SDK2: variants seen among roughly 807,000 people sequenced by gnomAD.
SDK2 encodes the protein protein sidekick-2.
Under a neutral mutation model 253.9 loss-of-function variants are expected in SDK2, and 105 were observed. The observed-to-expected ratio is 0.41, with a 90% CI of 0.35 to 0.49. The LOEUF (loss-of-function observed/expected upper bound fraction) is 0.49, where lower values mean the gene tolerates loss of function less well. Among genes scored for constraint, SDK2 ranks in the 20% least tolerant of loss-of-function variants. The pLI is 0.06. For synonymous variants in SDK2, 1,249 were observed against 1,234.9 expected (o/e 1.01, Z -0.24); for missense variants, 2,608 against 3,003.0 (o/e 0.87, Z 3.07).
At chr17:73,412,013 GAT>G (rs1568389133) in intron 18 of SDK2, among the ~76,000 whole-genome samples, 1 of 86,956 alleles carries the variant, frequency 1.2e-5, no homozygotes, top group Admixed American at 1.4e-4. Flanking sequence ...TATATATGTA[GAT>G]ATACGTATAT....
intron 2 of SDK2, among the ~76,000 whole-genome samples, chr17:73,491,477 A>G (rs778342152): frequency 3.3e-5 from 5 of 151,090 alleles, no homozygotes; most frequent in Non-Finnish European, 4.4e-5. Flanking sequence ...GGCTCCAGCG[A>G]TCCTCCCACC....
At chr17:73,368,632 G>A (rs1286841184) in intron 36 of SDK2, 39 bp from the exon 37 acceptor site, 29 of 1,468,084 alleles carry the variant, frequency 2.0e-5, no homozygotes, top group Non-Finnish European at 2.6e-5. Flanking sequence ...GGGGGACAGG[G>A]GCAATGAGAG....
At chr17:73,549,379 C>T (rs1599669614) in intron 1 of SDK2, among the ~76,000 whole-genome samples, 1 of 152,282 alleles carries the variant, frequency 6.6e-6, no homozygotes, top group East Asian at 1.9e-4. Flanking sequence ...TGCCCTTTAG[C>T]TTGTACCTGA....
intron 1 of SDK2, among the ~76,000 whole-genome samples, chr17:73,598,151 A>C (rs1458677135): frequency 6.6e-6 from 1 of 152,070 alleles, no homozygotes; most frequent in East Asian, 1.9e-4. Flanking sequence ...CCCCAACCCC[A>C]GTTAACAGCC....
At chr17:73,394,405 C>G (rs1363760399) in intron 25 of SDK2, 81 bp from the exon 26 acceptor site, 1 of 845,804 alleles carries the variant, frequency 1.2e-6, no homozygotes, top group East Asian at 3.2e-5. Context: ...GACAGGGGGC[C>G]GAGGGAGGGG....
chr17:73,506,389 C>T (rs2063936106), intron 2 of SDK2, among the ~76,000 whole-genome samples: 1 of 152,156 alleles, frequency 6.6e-6, no homozygotes, highest in Non-Finnish European at 1.5e-5. Context: ...GTGCCCTGTC[C>T]TGGGCTTTCT....
chr17:73,406,431 A>T (rs988165425), intron 18 of SDK2, among the ~76,000 whole-genome samples: 2 of 151,738 alleles, frequency 1.3e-5, no homozygotes, highest in Admixed American at 1.3e-4. Context: ...TGTATTTTTA[A>T]TGGAGATGGG....
chr17:73,410,303 C>CTTTTTG (rs141515190), intron 18 of SDK2, among the ~76,000 whole-genome samples: 127,923 of 151,812 alleles, frequency 0.84, 54,289 homozygotes, highest in African/African-American at 0.89. Context: ...GGTAATATTC[C>CTTTTTG]TTTTTGTTTT....
intron 5 of SDK2, among the ~76,000 whole-genome samples, chr17:73,446,875 T>C (rs1334726915): frequency 6.6e-6 from 1 of 152,016 alleles, no homozygotes; most frequent in African/African-American, 2.4e-5. Flanking sequence ...GAATGGAGTA[T>C]GGAGGGAGGG....
chr17:73,395,416 A>G lies in SDK2; in HGVS notation c.3355-24T>C, dbSNP rs762051723. 15 of 1,590,104 alleles carry G rather than the reference A, an allele frequency of 9.4e-6. No homozygotes were observed. The highest frequency in any genetic ancestry group is 6.7e-5 in the Admixed American group (4 of 59,914). ...GGCTGCAGCGGGGCAGGGGTGGCAA[A>G]GCTGCTATGAGCCAGGCCCCCCACT... On this transcript the variant is annotated intron_variant, in intron 24 of 44. Coordinates refer to ENST00000392650, the MANE Select transcript of SDK2 (RefSeq NM_001144952.2). This position sits in a 1 kb window ranked among gnomAD's most constrained non-coding sequence, Gnocchi z 4.3.
chr17:73,503,422 C>G (rs973130543), intron 2 of SDK2, among the ~76,000 whole-genome samples: 4 of 152,176 alleles, frequency 2.6e-5, no homozygotes, highest in Non-Finnish European at 5.9e-5. Flanking sequence ...ATGTCTACAG[C>G]AAATCCTTGA....
intron 1 of SDK2, among the ~76,000 whole-genome samples, chr17:73,523,907 C>T (rs1203738630): frequency 6.6e-6 from 1 of 152,210 alleles, no homozygotes; most frequent in Non-Finnish European, 1.5e-5. Context: ...TTCTGAGAGC[C>T]TTACTGGACC....
intron 3 of SDK2, among the ~76,000 whole-genome samples, chr17:73,469,990 G>GCGCGCA (rs1555585148): frequency 3.8e-5 from 4 of 105,680 alleles, no homozygotes; most frequent in East Asian, 6.1e-4. Context: ...CTGCGCGCGC[G>GCGCGCA]CGCACACACA....
chr17:73,614,734 A>AGGGAGGGAGGGGCACAAGGATTGAAAAGG, intron 1 of SDK2, among the ~76,000 whole-genome samples: 8 of 83,776 alleles, frequency 9.5e-5, no homozygotes, highest in Admixed American at 1.7e-4. Flanking sequence ...GAAAAGGGGG[A>AGGGAGGGAGGGGCACAAGGATTGAAAAGG]GGGAGGGAGG....
At chr17:73,577,485 G>A (rs950065846) in intron 1 of SDK2, among the ~76,000 whole-genome samples, 3 of 152,214 alleles carry the variant, frequency 2.0e-5, no homozygotes, top group East Asian at 1.9e-4. Flanking sequence ...CCCAGCTGGT[G>A]TGGAGAGTGG....
Position 73,358,146 on chromosome 17 carries a change from A to G in SDK2, c.5526T>C (p.Ile1842=), listed in dbSNP as rs1301613588. 6.2e-7 allele frequency: 1 copy of G among 1,613,186 alleles called. No homozygotes were observed. Among genetic ancestry groups the G allele is most frequent in the East Asian group, 2.2e-5 (1 of 44,866 alleles). The change falls in exon 40 of 45, where the codon ATT becomes ATC. Residue 1842 remains isoleucine, a synonymous_variant. Coordinates refer to ENST00000392650, the MANE Select transcript of SDK2 (RefSeq NM_001144952.2). ...TGCCCGGGTCTCCGCTGGACCAGTG[A>G]ATGGCGATGGCAGAGCTGTACCGCA... The part of the protein sequence containing the change: ...IIVRYSSAIA[I]HWSSGDPGKG...
intron 14 of SDK2, among the ~76,000 whole-genome samples, chr17:73,423,078 G>C (rs891589936): frequency 6.0e-5 from 9 of 150,636 alleles, no homozygotes; most frequent in African/African-American, 2.2e-4. Context: ...AATTATGCCT[G>C]CTCATTTGAC....
chr17:73,490,166 T>C (rs967754661), intron 2 of SDK2, among the ~76,000 whole-genome samples: 12 of 152,308 alleles, frequency 7.9e-5, no homozygotes, highest in African/African-American at 2.9e-4. Context: ...CGGCCTGTCT[T>C]GACTTCCCTA....
rs1394303818 is a variant in SDK2, at chr17:73,426,521, T to TTTAG, written c.1584-2433_1584-2430dup. The stretch of plus-strand genomic sequence containing the variant: ...CGATCCCATAATGTTGGACATCCAG[T>TTTAG]TTAGCTCCTTGGTTTCTAATATTAT... On this transcript the variant is annotated intron_variant, in intron 12 of 44. Coordinates refer to ENST00000392650, the MANE Select transcript of SDK2 (RefSeq NM_001144952.2). Among the ~76,000 whole-genome samples the TTTAG allele has an allele frequency of 8.5e-5, 13 of 152,316 alleles. No homozygotes were observed. The East Asian group carries it at 2.5e-3, about 29-fold the overall frequency.
Sources: allele counts gnomAD v4.1 joint callset (sites outside exome capture counted in the v4.1 genomes callset), GRCh38; gene constraint gnomAD v4.1.1; non-coding constraint Gnocchi (gnomAD v3.1); transcripts MANE v1.5; gene names NCBI Gene and HGNC (gene_info 2026-07-23, HGNC 2026-07-21).